The following CELF2 variants were observed in gnomAD, a reference collection of about 807,000 sequenced individuals.
CELF2 encodes CUGBP Elav-like family member 2, also known as CUG triplet repeat RNA-binding protein 2.
Under a neutral mutation model 62.6 loss-of-function variants are expected in CELF2, and 8 were observed. The ratio of observed to expected loss-of-function variants is 0.13; its 90% CI spans 0.07 to 0.23. CELF2 has a LOEUF of 0.23. Among genes scored for constraint, CELF2 ranks in the 10% least tolerant of loss-of-function variants. The probability of loss-of-function intolerance (pLI) is 1.00; values close to 1 mark genes in which losing one functional copy is unlikely to be tolerated. For synonymous variants in CELF2, 258 were observed against 250.0 expected, an observed-to-expected ratio of 1.03 and a Z score of -0.30; for missense variants, 333 against 671.0, an observed-to-expected ratio of 0.50 and a Z score of 5.56.
chr10:10,718,524 G>A, the CELF2 span, among the ~76,000 whole-genome samples: 8 of 151,688 alleles, frequency 5.3e-5, no homozygotes, highest in South Asian at 6.3e-4. Context: ...CTTGGGAGGC[G>A]GAGACAGGAG....
the CELF2 span, among the ~76,000 whole-genome samples, chr10:10,534,874 G>T: frequency 6.6e-6 from 1 of 152,186 alleles, no homozygotes; most frequent in African/African-American, 2.4e-5. Context: ...TTTAATACTT[G>T]AAGAGACCTT....
At chr10:10,690,292 A>T in the CELF2 span, among the ~76,000 whole-genome samples, 6 of 152,180 alleles carry the variant, frequency 3.9e-5, no homozygotes, top group African/African-American at 9.7e-5. Context: ...TGTCCTCCAG[A>T]CTGTAGCTTC....
chr10:11,286,930 TC>T (rs1404362446), intron 8 of CELF2, among the ~76,000 whole-genome samples: 1 of 152,092 alleles, frequency 6.6e-6, no homozygotes, highest in Non-Finnish European at 1.5e-5. Context: ...AAAATGCAAA[TC>T]CATTTAGCAA....
chr10:11,140,807 G>A (rs987666772), intron 1 of CELF2, among the ~76,000 whole-genome samples: 14 of 152,096 alleles, frequency 9.2e-5, no homozygotes, highest in Admixed American at 6.5e-4. Flanking sequence ...GCTTGAGCCC[G>A]AGATTTCAAG....
intron 1 of CELF2, among the ~76,000 whole-genome samples, chr10:11,127,998 G>A (rs1205802298): frequency 6.6e-6 from 1 of 152,156 alleles, no homozygotes; most frequent in African/African-American, 2.4e-5. Flanking sequence ...TTCTTCTAGG[G>A]TTTTTATGGT....
the CELF2 span, among the ~76,000 whole-genome samples, chr10:10,686,029 G>A: frequency 1.3e-3 from 200 of 152,154 alleles, no homozygotes; most frequent in African/African-American, 4.5e-3. Context: ...TACGCAAACC[G>A]CACCTAACTT....
the CELF2 span, among the ~76,000 whole-genome samples, chr10:10,659,706 G>A: frequency 6.6e-6 from 1 of 152,156 alleles, no homozygotes; most frequent in Non-Finnish European, 1.5e-5. Flanking sequence ...TTGTCAGCAT[G>A]AGGACTATTT....
chr10:10,851,229 A>G (rs914987447), intron 1 of CELF2, among the ~76,000 whole-genome samples: 2 of 152,234 alleles, frequency 1.3e-5, no homozygotes, highest in African/African-American at 4.8e-5. Context: ...GCTGGAAAAT[A>G]GTTTGGCCAT....
chr10:10,622,328 G>C, the CELF2 span, among the ~76,000 whole-genome samples: 1 of 152,156 alleles, frequency 6.6e-6, no homozygotes, highest in Non-Finnish European at 1.5e-5. Context: ...CCAAGGTTAG[G>C]CCAGGTATGG....
At chr10:11,087,828 G>A (rs2047227434) in intron 1 of CELF2, among the ~76,000 whole-genome samples, 1 of 152,142 alleles carries the variant, frequency 6.6e-6, no homozygotes, top group Non-Finnish European at 1.5e-5. Context: ...CTTTTTACCT[G>A]CGGTGAAGTA....
upstream of CELF2, among the ~76,000 whole-genome samples, chr10:11,013,574 G>A (rs758625531): frequency 8.6e-5 from 13 of 152,026 alleles, no homozygotes; most frequent in Non-Finnish European, 1.3e-4. The surrounding 1 kb of genome is among the most constrained non-coding windows in gnomAD (Gnocchi z 4.1). Context: ...AAAAACACAA[G>A]ATTGCAAAAA....
chr10:10,488,347 A>T, the CELF2 span, among the ~76,000 whole-genome samples: 1 of 152,108 alleles, frequency 6.6e-6, no homozygotes, highest in East Asian at 1.9e-4. Context: ...TGACCTCATC[A>T]GATTATTTAA....
intron 3 of CELF2, among the ~76,000 whole-genome samples, chr10:11,231,739 A>G (rs1189105922): frequency 4.0e-5 from 6 of 148,186 alleles, no homozygotes; most frequent in Non-Finnish European, 7.4e-5. Context: ...AGTCTTTGAT[A>G]GAGGAGACAG....
the CELF2 span, among the ~76,000 whole-genome samples, chr10:10,695,379 G>C: frequency 2.1e-5 from 3 of 144,462 alleles, no homozygotes; most frequent in East Asian, 1.9e-4. Context: ...GAGATCAGCT[G>C]TTAGTCTGAT....
chr10:11,055,589 G>A (rs140253941), intron 1 of CELF2, among the ~76,000 whole-genome samples: 1 of 152,312 alleles, frequency 6.6e-6, no homozygotes, highest in African/African-American at 2.4e-5. Flanking sequence ...TGGCTTAGAT[G>A]GTTTTTAAGA....
intron 1 of CELF2, among the ~76,000 whole-genome samples, chr10:11,059,270 G>T (rs1409145813): frequency 6.6e-6 from 1 of 152,068 alleles, no homozygotes; most frequent in Admixed American, 6.6e-5. Flanking sequence ...CTGGCTTTTT[G>T]ACTTGATTTG....
At chr10:10,655,809 C>T in the CELF2 span, among the ~76,000 whole-genome samples, 38,234 of 113,000 alleles carry the variant, frequency 0.34, 7,405 homozygotes, top group South Asian at 0.58. Flanking sequence ...GACATAGGCA[C>T]AGGCAAGGAC....
intron 1 of CELF2, among the ~76,000 whole-genome samples, chr10:11,043,215 T>A (rs557906487): frequency 1.0e-3 from 155 of 152,240 alleles, no homozygotes; most frequent in Non-Finnish European, 1.1e-3. Flanking sequence ...GCTTTTGTAA[T>A]GAGAAGGGTG....
At position 11,255,732 on chromosome 10, in the gene CELF2, A is replaced by T. The variant is rs1032476368; in HGVS notation, c.404-2006A>T. Among the ~76,000 whole-genome samples, 10 of 152,152 alleles carry T rather than the reference A, an allele frequency of 6.6e-5. No individual in the cohort carries two copies. Among genetic ancestry groups the T allele is most frequent in the Non-Finnish European group, 2.9e-5 (2 of 68,024 alleles). On this transcript the variant is annotated intron_variant, in intron 4 of 12. Coordinates refer to ENST00000633077, the MANE Select transcript of CELF2 (RefSeq NM_001326342.2). The surrounding 1 kb of genome is among the most constrained non-coding windows in gnomAD (Gnocchi z 5.5). ...GCCCCAGTCACCCCGAGTATGTCAC[A>T]GGCCACCTTCTCTCCATTTCTAGGA...
Sources: gnomAD v4.1 joint callset for allele counts (sites outside exome capture counted in the v4.1 genomes callset) on GRCh38, gnomAD v4.1.1 for gene constraint, Gnocchi (gnomAD v3.1) non-coding constraint, MANE v1.5 for transcripts, NCBI Gene and HGNC (gene_info 2026-07-23, HGNC 2026-07-21) for gene names.